TSHZ2: variants seen among roughly 807,000 people sequenced by gnomAD.
TSHZ2 encodes teashirt homolog 2.
Under a neutral mutation model 74.4 loss-of-function variants are expected in TSHZ2, and 21 were observed. The ratio of observed to expected loss-of-function variants is 0.28; its 90% CI spans 0.20 to 0.41. The LOEUF (loss-of-function observed/expected upper bound fraction) is 0.41, where lower values mean the gene tolerates loss of function less well. Among genes scored for constraint, TSHZ2 ranks in the 10% least tolerant of loss-of-function variants. TSHZ2 has a pLI of 1.00. For synonymous variants in TSHZ2, 540 were observed against 515.3 expected (o/e 1.05, Z -0.65); for missense variants, 1,244 against 1,293.5 (o/e 0.96, Z 0.59).
intron 1 of TSHZ2, among the ~76,000 whole-genome samples, chr20:53,158,564 G>A (rs1477450701): frequency 6.6e-6 from 1 of 152,194 alleles, no homozygotes; most frequent in Non-Finnish European, 1.5e-5. Context: ...AAGAAGGACA[G>A]AGTAAGTGGC....
intron 1 of TSHZ2, among the ~76,000 whole-genome samples, chr20:53,012,477 C>G (rs146276667): frequency 1.3e-5 from 2 of 152,090 alleles, no homozygotes; most frequent in Non-Finnish European, 2.9e-5. Flanking sequence ...TAACAAGATC[C>G]GCAGGTGGTT....
intron 1 of TSHZ2, among the ~76,000 whole-genome samples, chr20:53,181,581 C>T (rs1293385): frequency 0.44 from 66,110 of 151,914 alleles, 14,569 homozygotes; most frequent in Middle Eastern, 0.52. Context: ...GGGGTCGTTG[C>T]TTTTATTTAG....
intron 1 of TSHZ2, among the ~76,000 whole-genome samples, chr20:53,148,671 G>GA (rs1426895201): frequency 1.3e-5 from 2 of 152,040 alleles, no homozygotes; most frequent in Admixed American, 6.6e-5. Flanking sequence ...ATACAAAATA[G>GA]AAAAAATATA....
chr20:53,113,008 A>C (rs1379143344), intron 1 of TSHZ2, among the ~76,000 whole-genome samples: 1 of 152,172 alleles, frequency 6.6e-6, no homozygotes, highest in Non-Finnish European at 1.5e-5. Flanking sequence ...AGGACCCATA[A>C]TTTTCAAATT....
chr20:53,266,006 A>G (rs1990708907), intron 2 of TSHZ2, among the ~76,000 whole-genome samples: 1 of 152,194 alleles, frequency 6.6e-6, no homozygotes, highest in Non-Finnish European at 1.5e-5. Context: ...TGGGAAGCTT[A>G]GAGTCTGACC....
chr20:53,065,947 C>G (rs6013624), intron 1 of TSHZ2, among the ~76,000 whole-genome samples: 2,463 of 152,258 alleles, frequency 0.016, 79 homozygotes, highest in African/African-American at 0.057. Flanking sequence ...ATCTGGGGGT[C>G]ATACGTGGTT....
At chr20:53,202,588 T>C (rs1163931383) in intron 1 of TSHZ2, among the ~76,000 whole-genome samples, 1 of 152,190 alleles carries the variant, frequency 6.6e-6, no homozygotes, top group Non-Finnish European at 1.5e-5. Context: ...GAAGCTATTA[T>C]TAAACCCATT....
intron 1 of TSHZ2, among the ~76,000 whole-genome samples, chr20:53,048,102 G>A (rs941208864): frequency 6.6e-6 from 1 of 152,052 alleles, no homozygotes; most frequent in Admixed American, 6.5e-5. Flanking sequence ...CTTCCTCTCC[G>A]CTCAACATTC....
intron 1 of TSHZ2, among the ~76,000 whole-genome samples, chr20:53,229,981 AAG>A (rs1989783838): frequency 1.3e-5 from 2 of 149,012 alleles, no homozygotes; most frequent in African/African-American, 4.9e-5. Context: ...AGAGAAAGAA[AAG>A]AAAGAGGAAG....
chr20:53,209,172 C>A (rs1989243535), intron 1 of TSHZ2, among the ~76,000 whole-genome samples: 1 of 152,126 alleles, frequency 6.6e-6, no homozygotes, highest in Admixed American at 6.5e-5. Flanking sequence ...ACTGCAATCT[C>A]CGTCTCCAAG....
At chr20:53,452,425 C>A (rs911167038) in intron 2 of TSHZ2, among the ~76,000 whole-genome samples, 2 of 152,048 alleles carry the variant, frequency 1.3e-5, no homozygotes, top group African/African-American at 4.8e-5. Flanking sequence ...CGTGGTGAAA[C>A]CCCATCTGTA....
intron 2 of TSHZ2, among the ~76,000 whole-genome samples, chr20:53,344,921 A>C (rs976905940): frequency 6.6e-6 from 1 of 152,210 alleles, no homozygotes; most frequent in African/African-American, 2.4e-5. Flanking sequence ...TTGTGTAAAA[A>C]AATAAAATAC....
At chr20:53,218,573 C>T (rs117628302) in intron 1 of TSHZ2, among the ~76,000 whole-genome samples, 5 of 152,266 alleles carry the variant, frequency 3.3e-5, no homozygotes, top group Non-Finnish European at 5.9e-5. Context: ...TTAGCTGGAG[C>T]TATGTTGTTG....
At chr20:53,177,047 T>G (rs1216131841) in intron 1 of TSHZ2, among the ~76,000 whole-genome samples, 5 of 152,098 alleles carry the variant, frequency 3.3e-5, no homozygotes, top group Non-Finnish European at 5.9e-5. Context: ...TTGTAGAAAT[T>G]TTTTGTTATT....
chr20:53,368,438 G>A (rs1568887658), intron 2 of TSHZ2, among the ~76,000 whole-genome samples: 1 of 152,014 alleles, frequency 6.6e-6, no homozygotes, highest in Non-Finnish European at 1.5e-5. Flanking sequence ...AGAGTAGCTG[G>A]GATTACAGGT....
At chr20:52,973,722 CT>C (rs1981218825) in intron 1 of TSHZ2, among the ~76,000 whole-genome samples, 1 of 152,112 alleles carries the variant, frequency 6.6e-6, no homozygotes, top group African/African-American at 2.4e-5. Flanking sequence ...GGCTTTTGGC[CT>C]CCAGGGATAG....
intron 2 of TSHZ2, among the ~76,000 whole-genome samples, chr20:53,349,057 T>C (rs954013382): frequency 2.0e-5 from 3 of 152,168 alleles, no homozygotes; most frequent in African/African-American, 7.2e-5. Context: ...GGCTAAAATC[T>C]CTCTGCAAAG....
At chr20:53,112,563 C>T (rs1032875662) in intron 1 of TSHZ2, among the ~76,000 whole-genome samples, 1 of 152,162 alleles carries the variant, frequency 6.6e-6, no homozygotes, top group African/African-American at 2.4e-5. Flanking sequence ...GAGTCTCACT[C>T]TGTTGCCCAG....
At chr20:53,463,460 A>T (rs1985461686) in intron 2 of TSHZ2, among the ~76,000 whole-genome samples, 1 of 142,106 alleles carries the variant, frequency 7.0e-6, no homozygotes, top group East Asian at 2.3e-4. Flanking sequence ...GGAAGGAAGG[A>T]AGGTTGGCTT....
Sources: allele counts gnomAD v4.1 joint callset (sites outside exome capture counted in the v4.1 genomes callset), GRCh38; gene constraint gnomAD v4.1.1; transcripts MANE v1.5; gene names NCBI Gene and HGNC (gene_info 2026-07-23, HGNC 2026-07-21).